The following PPFIBP2 variants were observed in gnomAD, a reference collection of about 807,000 sequenced individuals.
PPFIBP2 encodes PPFIB scaffold protein 2.
PPFIBP2 carries 118 observed loss-of-function variants against 118.3 expected under a neutral mutation model. The ratio of observed to expected loss-of-function variants is 1.00; its 90% CI spans 0.86 to 1.16. The LOEUF is 1.16. PPFIBP2 is among the 50% of genes most tolerant of loss of function. PPFIBP2 has a pLI of 0.00. For synonymous variants in PPFIBP2, 414 were observed against 397.4 expected (o/e 1.04, Z -0.50); for missense variants, 1,195 against 1,073.1 (o/e 1.11, Z -1.59).
At chr11:7,645,189 A>T (rs888820334) in intron 17 of PPFIBP2, among the ~76,000 whole-genome samples, 4 of 151,808 alleles carry the variant, frequency 2.6e-5, no homozygotes, top group African/African-American at 9.7e-5. Flanking sequence ...TGCTAAGGGG[A>T]AGTTGACCTG....
At chr11:7,559,087 G>A (rs1373387989) in intron 2 of PPFIBP2, among the ~76,000 whole-genome samples, 1 of 152,180 alleles carries the variant, frequency 6.6e-6, no homozygotes, top group Non-Finnish European at 1.5e-5. Context: ...ACTTCAATGT[G>A]CATTGAAAGT....
intron 2 of PPFIBP2, among the ~76,000 whole-genome samples, chr11:7,563,748 AC>A (rs755461061): frequency 7.9e-5 from 12 of 152,194 alleles, no homozygotes; most frequent in Non-Finnish European, 1.5e-4. Context: ...AGTGTTTCTT[AC>A]TGCTGAAAGG....
intron 5 of PPFIBP2, among the ~76,000 whole-genome samples, chr11:7,608,193 G>T (rs1847623101): frequency 6.6e-6 from 1 of 152,212 alleles, no homozygotes; most frequent in Non-Finnish European, 1.5e-5. Context: ...ATTTGAGTGG[G>T]CATTTCCTGG....
rs547747686 is a variant in PPFIBP2, at chr11:7,521,908, G to A, written c.-37+7787G>A. 3.3e-5 allele frequency among the ~76,000 whole-genome samples: 5 copies of A among 152,244 alleles called. No homozygotes were observed. In the South Asian group the frequency reaches 1.0e-3, roughly 31 times the overall value. On this transcript the variant is annotated intron_variant, in intron 1 of 23. Coordinates refer to ENST00000299492, the MANE Select transcript of PPFIBP2 (RefSeq NM_003621.5). ...GGGCCCATATGGCTAGAGTCAGGGGGTTGGGTGGACACTGGGAGAGGTGAA... is the reference window on the plus strand; with the variant it reads ...GGGCCCATATGGCTAGAGTCAGGGGATTGGGTGGACACTGGGAGAGGTGAA...
intron 5 of PPFIBP2, among the ~76,000 whole-genome samples, chr11:7,602,993 C>T (rs1415507447): frequency 6.6e-6 from 1 of 152,228 alleles, no homozygotes; most frequent in East Asian, 1.9e-4. Context: ...TGTTATTAAG[C>T]ATGAGCTATC....
At chr11:7,542,103 C>G (rs530101685) in intron 1 of PPFIBP2, among the ~76,000 whole-genome samples, 1 of 152,348 alleles carries the variant, frequency 6.6e-6, no homozygotes, top group Non-Finnish European at 1.5e-5. Flanking sequence ...ATCATGTCAA[C>G]TCTATCCTCA....
At chr11:7,590,399 A>G (rs573570752) in intron 3 of PPFIBP2, among the ~76,000 whole-genome samples, 1 of 152,236 alleles carries the variant, frequency 6.6e-6, no homozygotes, top group Non-Finnish European at 1.5e-5. Flanking sequence ...AAGGACCTGT[A>G]GAAGAGGAAG....
downstream of PPFIBP2, among the ~76,000 whole-genome samples, chr11:7,657,447 A>G (rs974981780): frequency 1.3e-5 from 2 of 151,962 alleles, no homozygotes; most frequent in African/African-American, 4.8e-5. Context: ...ACACGTGCAC[A>G]CCCTGCCTTC....
the PPFIBP2 span, chr11:7,665,251 A>C: frequency 1.2e-6 from 1 of 818,018 alleles, no homozygotes; most frequent in Non-Finnish European, 1.9e-6. Context: ...GAGGAGAACC[A>C]GTGTGTGCGC....
chr11:7,582,685 C>T (rs1241052517), intron 3 of PPFIBP2, among the ~76,000 whole-genome samples: 1 of 151,738 alleles, frequency 6.6e-6, no homozygotes, highest in Non-Finnish European at 1.5e-5. Context: ...TTATACTCCC[C>T]TTTCAACTGA....
Position 7,620,943 on chromosome 11 carries a change from G to A in PPFIBP2, c.627G>A (p.Leu209=). 2 of 1,608,098 alleles carry A rather than the reference G, an allele frequency of 1.2e-6. No homozygotes were observed. The highest frequency in any genetic ancestry group is 1.7e-6 in the Non-Finnish European group (2 of 1,174,556). ...EEKQRKAEEL[L]QELRHLKIKV... is the part of the protein sequence containing the mutation. ...TCTCCCTCATCCCCTAGGAGTTACT[G>A]CAAGAGCTCAGGCACCTCAAAATCA... The change falls in exon 7 of 24, where the codon CTG becomes CTA. Residue 209 remains leucine (L), a synonymous_variant. Coordinates refer to ENST00000299492, the MANE Select transcript of PPFIBP2 (RefSeq NM_003621.5).
the PPFIBP2 span, among the ~76,000 whole-genome samples, chr11:7,662,472 G>T: frequency 6.6e-6 from 1 of 151,714 alleles, no homozygotes; most frequent in Non-Finnish European, 1.5e-5. Flanking sequence ...GTTGAATATT[G>T]GCCCCCACTC....
At chr11:7,615,193 C>G (rs1848487306) in intron 6 of PPFIBP2, among the ~76,000 whole-genome samples, 1 of 152,000 alleles carries the variant, frequency 6.6e-6, no homozygotes, top group African/African-American at 2.4e-5. Context: ...AAAAATTAGC[C>G]AGGCATGGTG....
intron 2 of PPFIBP2, among the ~76,000 whole-genome samples, chr11:7,562,159 G>A (rs756043580): frequency 6.6e-5 from 10 of 152,306 alleles, no homozygotes; most frequent in Middle Eastern, 3.4e-3. Flanking sequence ...ATGCTCATTG[G>A]CCCACTGCTC....
chr11:7,576,788 C>A (rs1204486378), intron 3 of PPFIBP2: 1 of 152,308 alleles, frequency 6.6e-6, no homozygotes, highest in East Asian at 1.9e-4. Flanking sequence ...CCACCAGTGC[C>A]AAGGACAGCA....
intron 2 of PPFIBP2, among the ~76,000 whole-genome samples, chr11:7,561,010 TA>T (rs1025190112): frequency 6.6e-6 from 1 of 152,246 alleles, no homozygotes; most frequent in Non-Finnish European, 1.5e-5. Context: ...TATTGATAGA[TA>T]AGGTCTCTTT....
intron 17 of PPFIBP2, among the ~76,000 whole-genome samples, chr11:7,644,266 A>G (rs1852644742): frequency 1.3e-5 from 2 of 152,230 alleles, no homozygotes; most frequent in South Asian, 2.1e-4. Flanking sequence ...ATGTTTATAT[A>G]GAATTAGGTT....
Position 7,625,835 on chromosome 11 carries a change from T to G in PPFIBP2, c.770T>G (p.Leu257Arg). ...VALKDAEIER[L>R]HSQLSRTAAL... ...CTGAAAGATGCAGAAATTGAGCGTC[T>G]GCACAGCCAGCTCTCCCGGACAGCA... is the stretch of plus-strand genomic sequence containing the variant. Residue 257 changes from leucine to arginine, a missense_variant, in exon 8 of 24, where the codon CTG becomes CGG. Coordinates refer to ENST00000299492, the MANE Select transcript of PPFIBP2 (RefSeq NM_003621.5). 1 of 1,614,260 alleles carries G rather than the reference T, an allele frequency of 6.2e-7. No individual in the cohort carries two copies. The highest frequency in any genetic ancestry group is 8.5e-7 in the Non-Finnish European group (1 of 1,180,040).
At chr11:7,648,115 C>T in intron 17 of PPFIBP2, 1 of 373,326 alleles carries the variant, frequency 2.7e-6, no homozygotes, top group African/African-American at 2.0e-5. Flanking sequence ...TGAACATGAT[C>T]TCAGGAGGGC....
Sources: gnomAD v4.1 joint callset for allele counts (sites outside exome capture counted in the v4.1 genomes callset) on GRCh38, gnomAD v4.1.1 for gene constraint, MANE v1.5 for transcripts, NCBI Gene and HGNC (gene_info 2026-07-23, HGNC 2026-07-21) for gene names.